The following LRP2 variants were observed in gnomAD, a reference collection of about 807,000 sequenced individuals.
The protein encoded by LRP2 is LDL receptor related protein 2, also known as low-density lipoprotein receptor-related protein 2.
A neutral mutation model predicts 531.0 loss-of-function variants in LRP2; 172 were observed. That is an observed-to-expected ratio of 0.32 (90% CI 0.29 to 0.37). LRP2 has a LOEUF of 0.37. Among genes scored for constraint, LRP2 ranks in the 10% least tolerant of loss-of-function variants. The probability of loss-of-function intolerance (pLI) is 1.00; values close to 1 mark genes in which losing one functional copy is unlikely to be tolerated. For synonymous variants in LRP2, 1,992 were observed against 2,027.6 expected (o/e 0.98, Z 0.47); for missense variants, 5,167 against 5,868.3 (o/e 0.88, Z 3.90).
chr2:169,200,183 A>T (rs549773056), intron 44 of LRP2, among the ~76,000 whole-genome samples: 4 of 152,326 alleles, frequency 2.6e-5, no homozygotes, highest in Admixed American at 2.6e-4. Context: ...CCCGGGAGGC[A>T]GAGCTTGCAG....
At chr2:169,294,082 A>G in intron 6 of LRP2, 66 bp downstream of exon 6, 1 of 1,196,198 alleles carries the variant, frequency 8.4e-7, no homozygotes, top group African/African-American at 1.5e-5. Flanking sequence ...GGGATAAAAC[A>G]AAACAAAACC....
chr2:169,317,955 T>C (rs1005518803), intron 3 of LRP2, among the ~76,000 whole-genome samples: 4 of 152,106 alleles, frequency 2.6e-5, no homozygotes, highest in Non-Finnish European at 5.9e-5. Flanking sequence ...TGCACACCTA[T>C]AGTCCCAGCT....
chr2:169,348,040 C>T lies in LRP2; in HGVS notation c.79+14281G>A, dbSNP rs1027407092. 2.0e-5 allele frequency among the ~76,000 whole-genome samples: 3 copies of T among 152,164 alleles called. No homozygotes were observed. In the South Asian group the frequency reaches 6.2e-4, roughly 31 times the overall value. ...TAAGGGTTCTGGGTTCAAATGTTGG[C>T]TCTGCCACTTAGTAACTGAATTGCT... On this transcript the variant is annotated intron_variant, in intron 1 of 78. Coordinates refer to ENST00000649046, the MANE Select transcript of LRP2 (RefSeq NM_004525.3).
intron 30 of LRP2, among the ~76,000 whole-genome samples, chr2:169,232,970 A>G (rs2239598): frequency 0.37 from 56,692 of 152,064 alleles, 10,980 homozygotes; most frequent in South Asian, 0.61. Flanking sequence ...CTAGACACCC[A>G]TACCATGCAC....
intron 65 of LRP2, 56 bp from the exon 66 acceptor site, chr2:169,154,659 G>A (rs995319202): frequency 6.5e-7 from 1 of 1,537,950 alleles, no homozygotes; most frequent in Non-Finnish European, 9.0e-7. Flanking sequence ...CCTATATAAA[G>A]TAGGATATAA....
At chr2:169,272,067 G>A (rs1426938903) in intron 15 of LRP2, among the ~76,000 whole-genome samples, 1 of 152,094 alleles carries the variant, frequency 6.6e-6, no homozygotes, top group Non-Finnish European at 1.5e-5. Flanking sequence ...TGATTTTTCT[G>A]AATCTAAAAC....
At chr2:169,284,256 C>CTCTTTTTTTTTTTTTTTTT (rs1553508684) in intron 9 of LRP2, among the ~76,000 whole-genome samples, 5 of 96,668 alleles carry the variant, frequency 5.2e-5, no homozygotes, top group Admixed American at 1.2e-4. Flanking sequence ...TCTTTTTTTT[C>CTCTTTTTTTTTTTTTTTTT]TTTTTTTTTT....
chr2:169,232,559 G>GA (rs1689447674), intron 30 of LRP2, among the ~76,000 whole-genome samples: 1 of 151,602 alleles, frequency 6.6e-6, no homozygotes, highest in African/African-American at 2.4e-5. Context: ...GAGAGAGAGA[G>GA]GTTTCAGAAC....
intron 21 of LRP2, 110 bp from the exon 22 acceptor site, chr2:169,245,042 A>G: frequency 8.8e-7 from 1 of 1,132,474 alleles, no homozygotes; most frequent in South Asian, 1.3e-5. Context: ...CATTGTATAT[A>G]ATAAGGAGAA....
chr2:169,318,913 T>C (rs199853058), intron 2 of LRP2, 29 bp from the exon 3 acceptor site: 2 of 1,613,710 alleles, frequency 1.2e-6, no homozygotes, highest in Non-Finnish European at 1.7e-6. Context: ...GGACTCATTA[T>C]GGCAATCATC....
At chr2:169,223,856 A>C (rs2268367) in intron 33 of LRP2, among the ~76,000 whole-genome samples, 82,468 of 152,098 alleles carry the variant, frequency 0.54, 23,595 homozygotes, top group South Asian at 0.76. Flanking sequence ...GGCTACCAGA[A>C]CTGCCTGCCC....
chr2:169,128,045 C>T lies in LRP2; in HGVS notation c.*618G>A, dbSNP rs140209751. The T allele has an allele frequency of 1.3e-5, 2 of 153,284 alleles. No individual in the cohort carries two copies. The highest frequency in any genetic ancestry group is 2.9e-5 in the Non-Finnish European group (2 of 68,452). 9.5% of individuals were successfully genotyped at this position (153,284 alleles called of 1,614,324 possible). On this transcript the variant is annotated 3_prime_UTR_variant, in exon 79 of 79. Transcript: ENST00000649046. ...GTTCTGGTTAGACAATGCCAACACA[C>T]AGAAGGGCCAAACTGAATTGCTTTT...
At chr2:169,135,802 C>T (rs1685482133) in intron 76 of LRP2, among the ~76,000 whole-genome samples, 2 of 152,102 alleles carry the variant, frequency 1.3e-5, no homozygotes, top group South Asian at 2.1e-4. Context: ...ACTTGGACTG[C>T]ACCCCAAAAA....
At chr2:169,172,232 G>T (rs1574094601) in intron 57 of LRP2, 98 bp from the exon 58 acceptor site, 3 of 1,410,462 alleles carry the variant, frequency 2.1e-6, no homozygotes, top group Non-Finnish European at 3.0e-6. Flanking sequence ...AATTGTATTA[G>T]CTCACTCTTG....
At chr2:169,285,682 C>A (rs983554654) in intron 9 of LRP2, among the ~76,000 whole-genome samples, 11 of 152,144 alleles carry the variant, frequency 7.2e-5, no homozygotes, top group African/African-American at 2.4e-4. Flanking sequence ...AATGACCTCC[C>A]TGCCCTCACT....
At chr2:169,294,932 G>T (rs1217268536) in intron 4 of LRP2, among the ~76,000 whole-genome samples, 1 of 152,212 alleles carries the variant, frequency 6.6e-6, no homozygotes, top group East Asian at 1.9e-4. Context: ...TACAAACTGG[G>T]ATAAGTGCTA....
At chr2:169,161,405 G>C (rs943891386) in intron 63 of LRP2, among the ~76,000 whole-genome samples, 1 of 152,142 alleles carries the variant, frequency 6.6e-6, no homozygotes, top group African/African-American at 2.4e-5. Context: ...AGCTAGAATT[G>C]TTCCTTGGTT....
chr2:169,128,016 G>A lies in LRP2; in HGVS notation c.*647C>T, dbSNP rs1338382579. 3 of 152,876 alleles carry A rather than the reference G, an allele frequency of 2.0e-5. No individual in the cohort carries two copies. The highest frequency in any genetic ancestry group is 4.4e-5 in the Non-Finnish European group (3 of 68,172). 9.5% of individuals were successfully genotyped at this position (152,876 alleles called of 1,614,324 possible). On this transcript the variant is annotated 3_prime_UTR_variant, in exon 79 of 79. Coordinates refer to ENST00000649046, the MANE Select transcript of LRP2 (RefSeq NM_004525.3). Reference sequence around the variant, plus strand: ...CTAGTGAGAGAACACACATGAAACAGAGAGTTCTGGTTAGACAATGCCAAC... The same window carrying A: ...CTAGTGAGAGAACACACATGAAACAAAGAGTTCTGGTTAGACAATGCCAAC...
chr2:169,349,345 A>AG (rs1205986060), intron 1 of LRP2, among the ~76,000 whole-genome samples: 1 of 152,170 alleles, frequency 6.6e-6, no homozygotes, highest in Non-Finnish European at 1.5e-5. Flanking sequence ...TTTAGGAAAA[A>AG]GGGGGGCAAG....
Sources: gnomAD v4.1 joint callset for allele counts (sites outside exome capture counted in the v4.1 genomes callset) on GRCh38, gnomAD v4.1.1 for gene constraint, MANE v1.5 for transcripts, NCBI Gene and HGNC (gene_info 2026-07-23, HGNC 2026-07-21) for gene names.